The following USP6NL variants were observed in gnomAD, a reference collection of about 807,000 sequenced individuals.
The protein encoded by USP6NL is USP6 N-terminal like, also known as USP6 N-terminal-like protein.
USP6NL carries 26 observed loss-of-function variants against 61.9 expected under a neutral mutation model. That is an observed-to-expected ratio of 0.42 (90% CI 0.31 to 0.58). The LOEUF (loss-of-function observed/expected upper bound fraction) is 0.58, where lower values mean the gene tolerates loss of function less well. Ranked by LOEUF, USP6NL falls within the 20% of genes least tolerant of loss-of-function variation. The pLI is 0.16. For synonymous variants in USP6NL, 432 were observed against 390.1 expected (o/e 1.11, Z -1.27); for missense variants, 1,114 against 1,034.3 (o/e 1.08, Z -1.06).
rs186498245 is a variant in USP6NL, at chr10:11,477,507, C to T, written c.1078+4263G>A. Among the ~76,000 whole-genome samples the T allele has an allele frequency of 4.4e-3, 663 of 152,090 alleles. 1 individual carries two copies. The highest frequency in any genetic ancestry group is 7.2e-3 in the Non-Finnish European group (491 of 68,004). ...TAACCCCCAAAACAATTATATCAGA[C>T]GGAAACAGTTTCACAAATATATTTT... On this transcript the variant is annotated intron_variant, in intron 14 of 14. Coordinates refer to ENST00000609104, the MANE Select transcript of USP6NL (RefSeq NM_014688.5).
rs969310498 is a variant in USP6NL at position 11,611,650 on chromosome 10, T to C, written c.-291A>G. ...GGCGCGACACCTCCTGCCGCCGCTA[T>C]GGAAACGGCCCCCGCCTCCCAGGGC... On this transcript the variant is annotated 5_prime_UTR_variant, in exon 1 of 15. Coordinates refer to ENST00000609104, the MANE Select transcript of USP6NL (RefSeq NM_014688.5). The surrounding 1 kb of genome is among the most constrained non-coding windows in gnomAD (Gnocchi z 5.3). 2 of 152,184 alleles carry C rather than the reference T, an allele frequency of 1.3e-5. No individual in the cohort carries two copies. The highest frequency in any genetic ancestry group is 4.8e-5 in the African/African-American group (2 of 41,256). The allele number at this position is 152,184 out of a possible 1,614,324, so 9.4% of individuals were successfully genotyped here.
intron 1 of USP6NL, among the ~76,000 whole-genome samples, chr10:11,607,709 A>G (rs1838755514): frequency 6.6e-6 from 1 of 152,150 alleles, no homozygotes; most frequent in Non-Finnish European, 1.5e-5. Context: ...AATAATAATA[A>G]TAATAATTTG....
At chr10:11,473,587 G>A (rs1566117234) in intron 14 of USP6NL, among the ~76,000 whole-genome samples, 1 of 152,292 alleles carries the variant, frequency 6.6e-6, no homozygotes, top group East Asian at 1.9e-4. Context: ...GAAAGAGCAG[G>A]CCGATTAGAG....
intron 14 of USP6NL, among the ~76,000 whole-genome samples, chr10:11,477,659 A>T (rs1833027835): frequency 6.6e-6 from 1 of 152,226 alleles, no homozygotes; most frequent in Non-Finnish European, 1.5e-5. Context: ...ACTGCAATGA[A>T]ATCTCAGGAA....
intron 14 of USP6NL, among the ~76,000 whole-genome samples, chr10:11,475,806 T>TA (rs893470076): frequency 2.0e-5 from 3 of 151,932 alleles, no homozygotes. Context: ...TTTTTTTAAT[T>TA]AAAAAAACTT....
chr10:11,579,960 T>TGGGGGGGG, intron 2 of USP6NL, among the ~76,000 whole-genome samples: 2 of 98,108 alleles, frequency 2.0e-5, no homozygotes, highest in Admixed American at 1.1e-4. Context: ...CAGTGGAGAG[T>TGGGGGGGG]GGCGGGGGGG....
intron 1 of USP6NL, among the ~76,000 whole-genome samples, chr10:11,610,371 G>A (rs1218527743): frequency 6.6e-6 from 1 of 152,112 alleles, no homozygotes; most frequent in East Asian, 1.9e-4. Flanking sequence ...ACTTGCTGCT[G>A]GCTAATTTAT....
At chr10:11,483,231 C>T (rs1248000232) in intron 13 of USP6NL, among the ~76,000 whole-genome samples, 3 of 151,976 alleles carry the variant, frequency 2.0e-5, no homozygotes, top group Non-Finnish European at 4.4e-5. Flanking sequence ...GTCCACAGCT[C>T]ATTTAGTCTA....
In USP6NL at chr10:11,463,199, G is replaced by A. The variant is rs1464150808; in HGVS notation, c.1729C>T (p.Pro577Ser). ...EALERAYSQSPRHALYPPSPR... is the reference protein window; with the variant it reads ...EALERAYSQSSRHALYPPSPR... Reference sequence around the variant, plus strand: ...CTAGGAGGGTAAAGGGCATGCCGGGGGCTCTGGGAGTAAGCCCTTTCCAGC... The same window carrying A: ...CTAGGAGGGTAAAGGGCATGCCGGGAGCTCTGGGAGTAAGCCCTTTCCAGC... Residue 577 changes from proline (P) to serine (S), a missense_variant, in exon 15 of 15, where the codon CCC (proline) becomes TCC (serine). Pro to Ser is a moderately conservative substitution (Grantham distance 74, BLOSUM62 -1). Coordinates refer to ENST00000609104, the MANE Select transcript of USP6NL (RefSeq NM_014688.5). This position sits in a 1 kb window ranked among gnomAD's most constrained non-coding sequence, Gnocchi z 6.3. 6.2e-7 allele frequency: 1 copy of A among 1,613,500 alleles called. No individual in the cohort carries two copies.
At position 11,561,716 on chromosome 10, in the gene USP6NL, G is replaced by T. The variant is rs1223776835; in HGVS notation, c.5-34149C>A. ...TTATCTTTTGCGCAGATGCAGAAAT[G>T]GTATTTCTATAGAATACTGACTTGC... On this transcript the variant is annotated intron_variant, in intron 2 of 14. Coordinates refer to ENST00000609104, the MANE Select transcript of USP6NL (RefSeq NM_014688.5). The surrounding 1 kb of genome is among the most constrained non-coding windows in gnomAD (Gnocchi z 4.1). Among the ~76,000 whole-genome samples, 3 of 152,172 alleles carry T rather than the reference G, an allele frequency of 2.0e-5. No homozygotes were observed. The highest frequency in any genetic ancestry group is 4.8e-5 in the African/African-American group (2 of 41,428).
chr10:11,519,314 GA>G (rs1835104738), intron 4 of USP6NL, among the ~76,000 whole-genome samples: 1 of 152,210 alleles, frequency 6.6e-6, no homozygotes, highest in Non-Finnish European at 1.5e-5. Flanking sequence ...TGAATTTAAA[GA>G]GAAAACTTTA....
At chr10:11,557,314 T>C (rs1836745064) in intron 2 of USP6NL, among the ~76,000 whole-genome samples, 1 of 152,100 alleles carries the variant, frequency 6.6e-6, no homozygotes, top group African/African-American at 2.4e-5. Flanking sequence ...AAGAGACAAA[T>C]AGAGCCCAAT....
At position 11,463,129 on chromosome 10, in the gene USP6NL, G is replaced by C. The variant is rs775348801; in HGVS notation, c.1799C>G (p.Ser600Cys). ...AEPSSSPSKV[S>C]NKFTFKVQPP... ...CTGTACTTTAAAAGTAAACTTGTTG[G>C]ATACTTTTGATGGACTAGAACTTGG... The change falls in exon 15 of 15, where the codon TCC becomes TGC. Residue 600 changes from serine (S) to cysteine (C), a missense_variant. Ser to Cys is a moderately radical substitution (Grantham distance 112, BLOSUM62 -1). Coordinates refer to ENST00000609104, the MANE Select transcript of USP6NL (RefSeq NM_014688.5). The surrounding 1 kb of genome is among the most constrained non-coding windows in gnomAD (Gnocchi z 6.3). 1.9e-6 allele frequency: 3 copies of C among 1,613,862 alleles called. No individual in the cohort carries two copies. In the South Asian group the frequency reaches 3.3e-5, roughly 18 times the overall value.
At chr10:11,570,547 C>T (rs1004942577) in intron 2 of USP6NL, among the ~76,000 whole-genome samples, 5 of 152,136 alleles carry the variant, frequency 3.3e-5, no homozygotes, top group Admixed American at 3.3e-4. Context: ...ACAGAAAATG[C>T]AAAATGAATT....
At position 11,495,882 on chromosome 10, in the gene USP6NL, G is replaced by C. The variant is rs1160101070; in HGVS notation, c.385-2654C>G. 6.6e-6 allele frequency among the ~76,000 whole-genome samples: 1 copy of C among 152,234 alleles called. No homozygotes were observed. The highest frequency in any genetic ancestry group is 1.5e-5 in the Non-Finnish European group (1 of 68,042). Reference sequence around the variant, plus strand: ...GGACACAAAAAAGCTGCATGCCTGGGTGAGGCTTCCTGACTGTGATCCTGC... The same window carrying C: ...GGACACAAAAAAGCTGCATGCCTGGCTGAGGCTTCCTGACTGTGATCCTGC... On this transcript the variant is annotated intron_variant, in intron 7 of 14. Coordinates refer to ENST00000609104, the MANE Select transcript of USP6NL (RefSeq NM_014688.5). This position sits in a 1 kb window ranked among gnomAD's most constrained non-coding sequence, Gnocchi z 4.6.
chr10:11,573,010 T>C (rs1460561486), intron 2 of USP6NL, among the ~76,000 whole-genome samples: 2 of 151,404 alleles, frequency 1.3e-5, no homozygotes, highest in Non-Finnish European at 3.0e-5. Flanking sequence ...TATTTCAGCA[T>C]ATTCTAGACA....
In USP6NL at chr10:11,482,544, T is replaced by C. The variant is rs1299305391; in HGVS notation, c.926-622A>G. Among the ~76,000 whole-genome samples the C allele has an allele frequency of 1.3e-5, 2 of 152,250 alleles. No individual in the cohort carries two copies. Among genetic ancestry groups the C allele is most frequent in the Admixed American group, 6.5e-5 (1 of 15,288 alleles). ...ATTTACAAGTGTTTATGTATATCAA[T>C]TGAAGAATCCAAATTATACTTTTCA... On this transcript the variant is annotated intron_variant, in intron 13 of 14. Coordinates refer to ENST00000609104, the MANE Select transcript of USP6NL (RefSeq NM_014688.5). The surrounding 1 kb of genome is among the most constrained non-coding windows in gnomAD (Gnocchi z 4.0).
intron 2 of USP6NL, among the ~76,000 whole-genome samples, chr10:11,590,758 T>C (rs796617588): frequency 2.0e-5 from 3 of 152,080 alleles, no homozygotes; most frequent in African/African-American, 7.2e-5. Flanking sequence ...TGAAACATAA[T>C]TCCCCTCTGA....
intron 14 of USP6NL, among the ~76,000 whole-genome samples, chr10:11,475,104 G>A (rs995105584): frequency 1.1e-4 from 16 of 152,142 alleles, no homozygotes; most frequent in South Asian, 4.1e-4. Context: ...AATGACTTCC[G>A]TTAATTGACA....
Sources: gnomAD v4.1 joint callset for allele counts (sites outside exome capture counted in the v4.1 genomes callset) on GRCh38, gnomAD v4.1.1 for gene constraint, Gnocchi (gnomAD v3.1) non-coding constraint, MANE v1.5 for transcripts, NCBI Gene and HGNC (gene_info 2026-07-23, HGNC 2026-07-21) for gene names.